TUSC3: variants seen among roughly 807,000 people sequenced by gnomAD.
TUSC3 encodes dolichyl-diphosphooligosaccharide--protein glycosyltransferase subunit TUSC3.
A neutral mutation model predicts 44.8 loss-of-function variants in TUSC3; 45 were observed. That is an observed-to-expected ratio of 1.00 (90% CI 0.79 to 1.29). The LOEUF (loss-of-function observed/expected upper bound fraction) is 1.29, where lower values mean the gene tolerates loss of function less well. Ranked by LOEUF, TUSC3 falls within the 50% of genes most tolerant of loss-of-function variation. TUSC3 has a pLI of 0.00. For missense variants in TUSC3, 519 were observed against 437.9 expected (o/e 1.19, Z -1.65); for synonymous variants, 212 against 152.9 (o/e 1.39, Z -2.85).
intron 1 of TUSC3, among the ~76,000 whole-genome samples, chr8:15,613,072 T>TAC (rs1484681937): frequency 6.8e-6 from 1 of 147,858 alleles, no homozygotes; most frequent in Non-Finnish European, 1.5e-5. Flanking sequence ...ATGATATATA[T>TAC]ATATATATCA....
chr8:15,743,371 A>G, intron 7 of TUSC3, 167 bp from the exon 8 acceptor site: 7 of 697,916 alleles, frequency 1.0e-5, no homozygotes, highest in Middle Eastern at 3.4e-4. Flanking sequence ...GTTAAGGCAT[A>G]TTTGCTCACA....
intron 2 of TUSC3, among the ~76,000 whole-genome samples, chr8:15,630,479 CATT>C (rs1489969418): frequency 6.6e-6 from 1 of 151,868 alleles, no homozygotes. Context: ...ATGTGATTCT[CATT>C]ATTGTGAAAG....
the TUSC3 span, among the ~76,000 whole-genome samples, chr8:15,772,012 C>A: frequency 6.6e-6 from 1 of 152,056 alleles, no homozygotes; most frequent in South Asian, 2.1e-4. Context: ...TGGCGTGAAC[C>A]CAGGAGGCGG....
chr8:15,629,751 C>T (rs769561064), intron 2 of TUSC3, among the ~76,000 whole-genome samples: 14 of 147,182 alleles, frequency 9.5e-5, no homozygotes, highest in African/African-American at 2.2e-4. Context: ...AAAAAAAAAG[C>T]GAAATTTTCT....
the TUSC3 span, among the ~76,000 whole-genome samples, chr8:15,848,916 G>C: frequency 1.6e-4 from 24 of 152,132 alleles, no homozygotes; most frequent in Non-Finnish European, 2.9e-4. Flanking sequence ...AACTACCTTT[G>C]TAGTACTTGC....
At chr8:15,442,151 T>C (rs7814427) in intron 1 of TUSC3, among the ~76,000 whole-genome samples, 24,711 of 152,062 alleles carry the variant, frequency 0.16, 2,074 homozygotes, top group Middle Eastern at 0.22. Flanking sequence ...TTTTTTTTCT[T>C]CATTCTTATT....
chr8:15,774,386 A>G, the TUSC3 span, among the ~76,000 whole-genome samples: 1 of 152,242 alleles, frequency 6.6e-6, no homozygotes, highest in Admixed American at 6.5e-5. Context: ...TGCCCTTGTA[A>G]GAAGGAAGCC....
At chr8:15,607,559 T>C (rs954024009) in intron 1 of TUSC3, among the ~76,000 whole-genome samples, 7 of 152,176 alleles carry the variant, frequency 4.6e-5, no homozygotes, top group African/African-American at 1.7e-4. Context: ...AACATTTCAT[T>C]ATGAACTTCT....
chr8:15,851,093 G>C, the TUSC3 span, among the ~76,000 whole-genome samples: 1 of 152,212 alleles, frequency 6.6e-6, no homozygotes, highest in Admixed American at 6.5e-5. Flanking sequence ...TTTTCGGAAG[G>C]TAACACCTTA....
the TUSC3 span, among the ~76,000 whole-genome samples, chr8:15,821,556 T>C: frequency 6.6e-6 from 1 of 151,638 alleles, no homozygotes; most frequent in East Asian, 1.9e-4. Flanking sequence ...CTATAAGATT[T>C]CCCCCTTACT....
intron 2 of TUSC3, among the ~76,000 whole-genome samples, chr8:15,502,559 C>T (rs758556171): frequency 6.6e-6 from 1 of 152,196 alleles, no homozygotes; most frequent in Non-Finnish European, 1.5e-5. Context: ...GGCGCGATCT[C>T]CGCTCACTGC....
intron 6 of TUSC3, among the ~76,000 whole-genome samples, chr8:15,683,847 A>G (rs1437580322): frequency 6.6e-6 from 1 of 151,962 alleles, no homozygotes; most frequent in Non-Finnish European, 1.5e-5. Flanking sequence ...TGACTATGGT[A>G]TATGGTGTGT....
At chr8:15,527,495 A>G (rs753212535) in intron 2 of TUSC3, among the ~76,000 whole-genome samples, 2 of 152,100 alleles carry the variant, frequency 1.3e-5, no homozygotes, top group Non-Finnish European at 2.9e-5. Flanking sequence ...GGGATTACAG[A>G]TGTGAGTCAC....
chr8:15,675,319 A>G (rs1047172924), intron 6 of TUSC3, among the ~76,000 whole-genome samples: 1 of 151,808 alleles, frequency 6.6e-6, no homozygotes, highest in Non-Finnish European at 1.5e-5. Flanking sequence ...TATAAAACAT[A>G]TTAAGGCATT....
intron 4 of TUSC3, among the ~76,000 whole-genome samples, chr8:15,661,933 C>T (rs906180661): frequency 7.9e-5 from 12 of 151,914 alleles, no homozygotes; most frequent in African/African-American, 2.9e-4. Flanking sequence ...AAAAGATGCT[C>T]AGCATTGTTA....
intron 1 of TUSC3, among the ~76,000 whole-genome samples, chr8:15,445,114 C>G (rs539474383): frequency 6.6e-6 from 1 of 152,136 alleles, no homozygotes; most frequent in South Asian, 2.1e-4. Flanking sequence ...AGCCCTTCAA[C>G]TGCAAATACA....
the TUSC3 span, among the ~76,000 whole-genome samples, chr8:15,838,589 C>T: frequency 3.6e-4 from 55 of 152,218 alleles, no homozygotes; most frequent in East Asian, 1.2e-3. Flanking sequence ...AGCCAGTTTT[C>T]GCAGCACCAT....
At chr8:15,648,613 C>G (rs1585191064) in intron 2 of TUSC3, among the ~76,000 whole-genome samples, 1 of 150,482 alleles carries the variant, frequency 6.6e-6, no homozygotes, top group South Asian at 2.1e-4. Context: ...GTAGTCCCAG[C>G]TACTCGGGAG....
the TUSC3 span, among the ~76,000 whole-genome samples, chr8:15,822,200 C>T: frequency 6.6e-6 from 1 of 152,128 alleles, no homozygotes; most frequent in South Asian, 2.1e-4. Flanking sequence ...AACGGGTGAA[C>T]TGTCAAAACT....
Sources: gnomAD v4.1 joint callset for allele counts (sites outside exome capture counted in the v4.1 genomes callset) on GRCh38, gnomAD v4.1.1 for gene constraint, MANE v1.5 for transcripts, NCBI Gene and HGNC (gene_info 2026-07-23, HGNC 2026-07-21) for gene names.